CALCOCO1: variants seen among roughly 807,000 people sequenced by gnomAD.
CALCOCO1 encodes calcium binding and coiled-coil domain 1.
In CALCOCO1, 44 loss-of-function variants were observed where a neutral mutation model predicts 86.3. That is an observed-to-expected ratio of 0.51 (90% confidence interval 0.40 to 0.66). The LOEUF (loss-of-function observed/expected upper bound fraction) is 0.66, where lower values mean the gene tolerates loss of function less well. Ranked by LOEUF, CALCOCO1 falls within the 30% of genes least tolerant of loss-of-function variation. CALCOCO1 has a pLI of 0.00. For missense variants in CALCOCO1, 708 were observed against 851.1 expected, an observed-to-expected ratio of 0.83 and a Z score of 2.09; for synonymous variants, 297 against 327.6, an observed-to-expected ratio of 0.91 and a Z score of 1.01.
At chr12:53,723,503 A>T (rs1034839371) in intron 4 of CALCOCO1, 90 bp downstream of exon 4, 1 of 1,376,624 alleles carries the variant, frequency 7.3e-7, no homozygotes, top group African/African-American at 1.4e-5. Context: ...TTGGCGCCAC[A>T]GATGAGGGGA....
At position 53,723,602 on chromosome 12, in the gene CALCOCO1, A is replaced by T; in HGVS notation, c.441T>A (p.Thr147=). The T allele has an allele frequency of 1.2e-6, 2 of 1,614,196 alleles. No individual in the cohort carries two copies. The highest frequency in any genetic ancestry group is 1.7e-6 in the Non-Finnish European group (2 of 1,180,030). The part of the protein sequence containing the change: ...SDILLVVPKA[T]VLQNQLDESQ... ...GTTGCTCTTTTCTCACCTGTAACAC[A>T]GTTGCCTTGGGGACAACCAGCAGGA... is the stretch of plus-strand genomic sequence containing the variant. The change falls in exon 4 of 15, where the codon ACT becomes ACA. Residue 147 remains threonine (T), a synonymous_variant. Transcript: ENST00000550804.
chr12:53,712,815 G>A (rs991233331), intron 14 of CALCOCO1: 3 of 1,407,590 alleles, frequency 2.1e-6, no homozygotes, highest in African/African-American at 2.9e-5. Context: ...GAGAGGGGAA[G>A]CAGGGCAATT....
chr12:53,727,199 G>GCGCCCCCCAC (rs1555166766), intron 1 of CALCOCO1, among the ~76,000 whole-genome samples: 2 of 152,154 alleles, frequency 1.3e-5, no homozygotes, highest in African/African-American at 2.4e-5. Flanking sequence ...CGACGAGGGG[G>GCGCCCCCCAC]CGCCCCCCAC....
chr12:53,719,538 A>G (rs935160226), intron 7 of CALCOCO1, among the ~76,000 whole-genome samples: 4 of 152,030 alleles, frequency 2.6e-5, no homozygotes, highest in African/African-American at 9.7e-5. Flanking sequence ...AAAAACAAAC[A>G]AAAAAAATTT....
At chr12:53,713,017 C>T in intron 14 of CALCOCO1, 83 bp downstream of exon 14, 2 of 1,357,338 alleles carry the variant, frequency 1.5e-6, no homozygotes, top group East Asian at 2.3e-5. Context: ...GGGTTGGGAG[C>T]AGGGCCTGGT....
intron 9 of CALCOCO1, 46 bp downstream of exon 9, chr12:53,715,747 T>C (rs757961781): frequency 4.4e-6 from 7 of 1,599,278 alleles, no homozygotes; most frequent in Admixed American, 3.3e-5. Context: ...CCCACAGAGG[T>C]GGGGGCAGTG....
chr12:53,726,686 C>A (rs1457038066), intron 1 of CALCOCO1, among the ~76,000 whole-genome samples: 1 of 152,082 alleles, frequency 6.6e-6, no homozygotes, highest in Non-Finnish European at 1.5e-5. Context: ...ACTTCTGTCC[C>A]CCAAATAGGT....
In CALCOCO1 at chr12:53,714,616, C is replaced by A; in HGVS notation, c.1464G>T (p.Gln488His). ...ALRVLQKEKE[Q>H]LQEEKQELLE... ...TGCTCACCTGTTTCTCCTCCTGTAA[C>A]TGCTCCTTTTCCTTCTGGAGCACAC... Residue 488 changes from glutamine (Q) to histidine (H), a missense_variant, in exon 11 of 15, where the codon CAG becomes CAT. Transcript: ENST00000550804. 1 of 1,614,016 alleles carries A rather than the reference C, an allele frequency of 6.2e-7. No individual in the cohort carries two copies. The highest frequency in any genetic ancestry group is 1.3e-5 in the African/African-American group (1 of 75,038).
In CALCOCO1 at chr12:53,723,728, G is replaced by A. The variant is rs1189107688; in HGVS notation, c.315C>T (p.Arg105=). The change falls in exon 4 of 15, where the codon CGC becomes CGT. Residue 105 remains arginine, a synonymous_variant. Coordinates refer to ENST00000550804, the MANE Select transcript of CALCOCO1 (RefSeq NM_020898.3). The part of the protein sequence containing the change: ...AQLYQFRYVN[R]QGQVCGQSPP... Reference sequence around the variant, plus strand: ...GGCTCTGCCCACACACCTGGCCCTGGCGGTTCACATATCGGAACTGGTAGA... The same window carrying A: ...GGCTCTGCCCACACACCTGGCCCTGACGGTTCACATATCGGAACTGGTAGA... The A allele has an allele frequency of 7.4e-6, 12 of 1,614,102 alleles. No individual in the cohort carries two copies. Among genetic ancestry groups the A allele is most frequent in the Non-Finnish European group, 1.0e-5 (12 of 1,180,054 alleles).
At chr12:53,716,582 A>G (rs1307096557) in intron 7 of CALCOCO1, among the ~76,000 whole-genome samples, 167 bp from the exon 8 acceptor site, 1 of 152,082 alleles carries the variant, frequency 6.6e-6, no homozygotes, top group Non-Finnish European at 1.5e-5. Flanking sequence ...AAATAACTCA[A>G]TCCTGCATAT....
chr12:53,716,133 C>A, intron 8 of CALCOCO1, 86 bp from the exon 9 acceptor site: 1 of 1,586,130 alleles, frequency 6.3e-7, no homozygotes, highest in Non-Finnish European at 8.6e-7. Flanking sequence ...CACTCCACTG[C>A]ATTAGGACTC....
Position 53,725,171 on chromosome 12 carries a change from G to A in CALCOCO1, c.72C>T (p.Tyr24=). Residue 24 remains tyrosine, a synonymous_variant, in exon 2 of 15, where the codon TAC becomes TAT. Coordinates refer to ENST00000550804, the MANE Select transcript of CALCOCO1 (RefSeq NM_020898.3). The part of the protein sequence containing the change: ...GVNFLNVART[Y]IPNTKVECHY... ...GACATTCCACCTTGGTGTTGGGGAT[G>A]TAGGTCCGGGCTACATTGAGAAAGT... 1 of 1,613,450 alleles carries A rather than the reference G, an allele frequency of 6.2e-7. No individual in the cohort carries two copies. The highest frequency in any genetic ancestry group is 8.5e-7 in the Non-Finnish European group (1 of 1,179,690).
At chr12:53,726,782 C>T (rs1946045070) in intron 1 of CALCOCO1, among the ~76,000 whole-genome samples, 1 of 152,092 alleles carries the variant, frequency 6.6e-6, no homozygotes, top group Non-Finnish European at 1.5e-5. Context: ...GCAATTCTTC[C>T]AGCTTTCTAA....
intron 1 of CALCOCO1, among the ~76,000 whole-genome samples, chr12:53,726,041 C>T (rs909661713): frequency 4.0e-5 from 6 of 150,374 alleles, no homozygotes; most frequent in Non-Finnish European, 8.9e-5. Context: ...TTAGCAGGAA[C>T]GTGGTGGGGG....
intron 1 of CALCOCO1, among the ~76,000 whole-genome samples, chr12:53,726,038 G>A (rs1396546975): frequency 6.6e-6 from 1 of 152,072 alleles, no homozygotes; most frequent in Non-Finnish European, 1.5e-5. Flanking sequence ...CGCTTAGCAG[G>A]AACGTGGTGG....
At position 53,714,613 on chromosome 12, in the gene CALCOCO1, T is replaced by C; in HGVS notation, c.1467A>G (p.Leu489=). ...GGGTGCTCACCTGTTTCTCCTCCTG[T>C]AACTGCTCCTTTTCCTTCTGGAGCA... ...LRVLQKEKEQ[L]QEEKQELLEY... The change falls in exon 11 of 15, where the codon TTA becomes TTG. Residue 489 remains leucine (L), a synonymous_variant. Transcript: ENST00000550804. 1 of 1,614,048 alleles carries C rather than the reference T, an allele frequency of 6.2e-7. No homozygotes were observed. Among genetic ancestry groups the C allele is most frequent in the Non-Finnish European group, 8.5e-7 (1 of 1,179,888 alleles).
In CALCOCO1 at chr12:53,724,606, C is replaced by T. The variant is rs959635027; in HGVS notation, c.259+39G>A. ...CTACCTTCTTTCAAACCTCCACTCC[C>T]TTGGCTCCTCTCTCCCAATTTTCCA... On this transcript the variant is annotated intron_variant, in intron 3 of 14. Transcript: ENST00000550804. 3 of 1,512,818 alleles carry T rather than the reference C, an allele frequency of 2.0e-6. No individual in the cohort carries two copies. The African/African-American group carries it at 4.1e-5, about 21-fold the overall frequency. 93.7% of individuals were successfully genotyped at this position (1,512,818 alleles called of 1,614,324 possible).
chr12:53,716,128 C>G, intron 8 of CALCOCO1, 81 bp from the exon 9 acceptor site: 1 of 1,589,496 alleles, frequency 6.3e-7, no homozygotes, highest in Non-Finnish European at 8.6e-7. Context: ...CCCTCCACTC[C>G]ACTGCATTAG....
intron 5 of CALCOCO1, 91 bp from the exon 6 acceptor site, chr12:53,721,706 T>C (rs1486493439): frequency 6.1e-6 from 9 of 1,472,676 alleles, no homozygotes; most frequent in South Asian, 1.2e-5. Context: ...CACCAGGGTC[T>C]GACTGCTTCC....
Sources: allele counts gnomAD v4.1 joint callset (sites outside exome capture counted in the v4.1 genomes callset), GRCh38; gene constraint gnomAD v4.1.1; transcripts MANE v1.5; gene names NCBI Gene and HGNC (gene_info 2026-07-23, HGNC 2026-07-21).